CENPE: variants seen among roughly 807,000 people sequenced by gnomAD.
The protein encoded by CENPE is centromere-associated protein E.
A neutral mutation model predicts 336.1 loss-of-function variants in CENPE; 145 were observed. The observed-to-expected ratio is 0.43, with a 90% CI of 0.38 to 0.50. CENPE has a LOEUF of 0.50. CENPE is among the 20% of genes least tolerant of loss of function. The probability of loss-of-function intolerance (pLI) is 0.00; values close to 1 mark genes in which losing one functional copy is unlikely to be tolerated. For missense variants in CENPE, 2,719 were observed against 3,023.3 expected, an observed-to-expected ratio of 0.90 and a Z score of 2.36; for synonymous variants, 1,013 against 984.8, an observed-to-expected ratio of 1.03 and a Z score of -0.54.
chr4:103,127,531 T>C (rs1250636798), intron 42 of CENPE, among the ~76,000 whole-genome samples: 10 of 152,114 alleles, frequency 6.6e-5, no homozygotes, highest in African/African-American at 2.4e-4. Flanking sequence ...AGAGAAGGAA[T>C]AAGTGAAGGT....
chr4:103,123,967 A>C (rs1481121124), intron 42 of CENPE, among the ~76,000 whole-genome samples: 1 of 152,244 alleles, frequency 6.6e-6, no homozygotes, highest in Admixed American at 6.5e-5. Flanking sequence ...AGGAGAGTGC[A>C]GTAAAATAAG....
chr4:103,187,143 T>G (rs1756847644), intron 8 of CENPE, among the ~76,000 whole-genome samples: 1 of 152,192 alleles, frequency 6.6e-6, no homozygotes. Flanking sequence ...GAAGTTCTCC[T>G]GGATAATATC....
intron 40 of CENPE, 88 bp downstream of exon 40, chr4:103,136,053 C>T (rs1205905192): frequency 2.7e-6 from 3 of 1,097,678 alleles, no homozygotes; most frequent in Non-Finnish European, 4.0e-6. Flanking sequence ...TACTAAATAG[C>T]AAATATGCCG....
At chr4:103,133,565 G>A in intron 41 of CENPE, 130 bp downstream of exon 41, 1 of 669,832 alleles carries the variant, frequency 1.5e-6, no homozygotes, top group Non-Finnish European at 2.5e-6. Context: ...TTTATGTCTG[G>A]CCAGGTATCA....
At chr4:103,135,458 C>T (rs543707467) in intron 40 of CENPE, among the ~76,000 whole-genome samples, 2 of 152,156 alleles carry the variant, frequency 1.3e-5, no homozygotes, top group Non-Finnish European at 2.9e-5. Context: ...AATCCAAGAA[C>T]TCCATCTAAA....
In CENPE at chr4:103,160,645, C is replaced by A; in HGVS notation, c.2266G>T (p.Val756Leu). 6.2e-7 allele frequency: 1 copy of A among 1,609,020 alleles called. No individual in the cohort carries two copies. Among genetic ancestry groups the A allele is most frequent in the Non-Finnish European group, 8.5e-7 (1 of 1,177,938 alleles). Residue 756 changes from valine to leucine, a missense_variant, in exon 21 of 49, where the codon GTA (valine) becomes TTA (leucine). Physicochemically the swap from Val to Leu is conservative, Grantham distance 32 (BLOSUM62 1). Coordinates refer to ENST00000265148, the MANE Select transcript of CENPE (RefSeq NM_001813.3). Reference sequence around the variant, plus strand: ...TTTACCTCTTTCCTCAGCCTTTCTACTTCAGAAGGTAAAGATTTCAATTCT... The same window carrying A: ...TTTACCTCTTTCCTCAGCCTTTCTAATTCAGAAGGTAAAGATTTCAATTCT... The part of the protein sequence containing the change: ...LSELKSLPSE[V>L]ERLRKEIQDK...
At position 103,193,447 on chromosome 4, in the gene CENPE, C is replaced by T. The variant is rs76756704; in HGVS notation, c.693+782G>A. Among the ~76,000 whole-genome samples the T allele has an allele frequency of 6.6e-3, 997 of 151,192 alleles. 9 individuals are homozygous for T. The highest frequency in any genetic ancestry group is 0.011 in the Admixed American group (167 of 15,194). Reference sequence around the variant, plus strand: ...AAACATATTATAGATTGCTTTTTTCCCTGAAGTTTTCTAATCAAATAATCT... The same window carrying T: ...AAACATATTATAGATTGCTTTTTTCTCTGAAGTTTTCTAATCAAATAATCT... On this transcript the variant is annotated intron_variant, in intron 8 of 48. Transcript: ENST00000265148.
chr4:103,110,925 G>T lies in CENPE; in HGVS notation c.7627C>A (p.Leu2543Ile), dbSNP rs1305540072. 1.2e-6 allele frequency: 2 copies of T among 1,611,834 alleles called. No individual in the cohort carries two copies. Among genetic ancestry groups the T allele is most frequent in the African/African-American group, 2.7e-5 (2 of 74,754 alleles). Residue 2543 changes from leucine (L) to isoleucine (I), a missense_variant, in exon 47 of 49, where the codon CTT becomes ATT. This residue lies in a region of CENPE where 2,437 missense variants were observed against 2,513.3 expected (regional missense o/e 0.97). Transcript: ENST00000265148. ...CTTATATGTTCACTTTTCAAAATAA[G>T]AGCTTTTGTGTTTTGTACAATGCCG... ...GSGIVQNTKALILKSEHIRLE... is the reference protein window; with the variant it reads ...GSGIVQNTKAIILKSEHIRLE...
chr4:103,146,038 T>C lies in CENPE; in HGVS notation c.4204A>G (p.Ile1402Val), dbSNP rs35505100. The C allele has an allele frequency of 3.3e-3, 5,271 of 1,613,896 alleles. 82 individuals are homozygous for C. In the African/African-American group the frequency reaches 0.044, roughly 13 times the overall value. Residue 1402 changes from isoleucine (I) to valine (V), a missense_variant, in exon 30 of 49, where the codon ATC becomes GTC. Ile to Val is a conservative substitution (Grantham distance 29). This residue lies in a region of CENPE where 2,437 missense variants were observed against 2,513.3 expected (regional missense o/e 0.97). Coordinates refer to ENST00000265148, the MANE Select transcript of CENPE (RefSeq NM_001813.3). ...TTGAATTGCTCCATCTCACTCACGA[T>C]TTTGGTAGTTTCATTGTCTTTTTCT... ...MKEKDNETTK[I>V]VSEMEQFKPK... is the part of the protein sequence containing the mutation.
At chr4:103,132,983 TAA>T (rs1553926686) in intron 41 of CENPE, 87 bp from the exon 42 acceptor site, 4 of 191,146 alleles carry the variant, frequency 2.1e-5, no homozygotes, top group East Asian at 2.3e-4. Context: ...TATATATATA[TAA>T]AATAAAAAGA....
chr4:103,183,505 A>T (rs897170508), intron 9 of CENPE, among the ~76,000 whole-genome samples: 2 of 152,140 alleles, frequency 1.3e-5, no homozygotes, highest in African/African-American at 4.8e-5. Context: ...TGAGAAAAAT[A>T]GTAAAAAGAA....
At chr4:103,179,292 T>C (rs1235817061) in intron 13 of CENPE, among the ~76,000 whole-genome samples, 2 of 152,202 alleles carry the variant, frequency 1.3e-5, no homozygotes, top group African/African-American at 2.4e-5. Context: ...CTTTCTCAAC[T>C]ATAATTCTGA....
intron 24 of CENPE, among the ~76,000 whole-genome samples, chr4:103,155,193 C>T (rs1312828123): frequency 1.3e-5 from 2 of 152,192 alleles, no homozygotes; most frequent in Non-Finnish European, 2.9e-5. Context: ...CTCTTCCCTT[C>T]ATCTTCTATT....
In CENPE at chr4:103,160,683, A is replaced by G. The variant is rs1361086430; in HGVS notation, c.2228T>C (p.Val743Ala). The change falls in exon 21 of 49, where the codon GTC (valine) becomes GCC (alanine). Residue 743 changes from valine to alanine, a missense_variant. This residue lies in a region of CENPE where 2,437 missense variants were observed against 2,513.3 expected (regional missense o/e 0.97). Coordinates refer to ENST00000265148, the MANE Select transcript of CENPE (RefSeq NM_001813.3). ...AGATTTCAATTCTGAAAGCAAAATG[A>G]CTTCTTCCCGCAAAGCTTCATTTTC... ...VEENEALREE[V>A]ILLSELKSLP... 6.2e-7 allele frequency: 1 copy of G among 1,611,090 alleles called. No homozygotes were observed. Among genetic ancestry groups the G allele is most frequent in the African/African-American group, 1.3e-5 (1 of 74,770 alleles).
At chr4:103,191,398 C>A (rs569903981) in intron 8 of CENPE, among the ~76,000 whole-genome samples, 95 of 152,242 alleles carry the variant, frequency 6.2e-4, no homozygotes, top group Non-Finnish European at 1.2e-3. Context: ...GGAACCAACC[C>A]AAATGTCCAA....
intron 46 of CENPE, among the ~76,000 whole-genome samples, chr4:103,113,846 T>A (rs748781087): frequency 4.6e-5 from 7 of 151,578 alleles, no homozygotes; most frequent in Non-Finnish European, 7.4e-5. Context: ...CTTGTTCTAC[T>A]GCGTAAAGCT....
chr4:103,156,602 C>T (rs1026410636), intron 24 of CENPE, among the ~76,000 whole-genome samples: 30 of 152,106 alleles, frequency 2.0e-4, no homozygotes, highest in African/African-American at 6.5e-4. Flanking sequence ...CAGGCCTAAA[C>T]GTAAGAGTGA....
intron 42 of CENPE, among the ~76,000 whole-genome samples, chr4:103,129,001 T>C (rs746974659): frequency 1.8e-4 from 27 of 152,022 alleles, no homozygotes; most frequent in Admixed American, 4.6e-4. Context: ...GAATACAAAT[T>C]ACTAATATCA....
At chr4:103,191,637 G>T (rs148835711) in intron 8 of CENPE, among the ~76,000 whole-genome samples, 4 of 145,482 alleles carry the variant, frequency 2.7e-5, no homozygotes, top group Non-Finnish European at 6.0e-5. Context: ...ATCACACACC[G>T]GGGCCTGTTG....
Sources: allele counts gnomAD v4.1 joint callset (sites outside exome capture counted in the v4.1 genomes callset), GRCh38; gene constraint gnomAD v4.1.1; regional missense constraint gnomAD v4.1.1; transcripts MANE v1.5; gene names NCBI Gene and HGNC (gene_info 2026-07-23, HGNC 2026-07-21).